Variants in KMT2D observed in about 807,000 individuals in gnomAD.
The protein encoded by KMT2D is histone-lysine N-methyltransferase 2D.
KMT2D carries 55 observed loss-of-function variants against 512.7 expected under a neutral mutation model. The ratio of observed to expected loss-of-function variants is 0.11; its 90% CI spans 0.09 to 0.13. The LOEUF (loss-of-function observed/expected upper bound fraction) is 0.13. Among genes scored for constraint, KMT2D ranks in the 10% least tolerant of loss-of-function variants. The pLI is 1.00. For synonymous variants in KMT2D, 2,995 were observed against 2,904.0 expected (o/e 1.03, Z -1.01); for missense variants, 6,061 against 7,127.9 (o/e 0.85, Z 5.39).
chr12:49,039,857 A>G lies in KMT2D; in HGVS notation c.7913T>C (p.Ile2638Thr), dbSNP rs2120518228. The change falls in exon 32 of 55, where the codon ATC (isoleucine) becomes ACC (threonine). Residue 2638 changes from isoleucine (I) to threonine (T), a missense_variant. By Grantham distance (89) the Ile-to-Thr change is moderately conservative. This residue lies in a region of KMT2D where 527 missense variants were observed against 578.9 expected (regional missense o/e 0.91). Transcript: ENST00000301067. The surrounding 1 kb of genome is among the most constrained non-coding windows in gnomAD (Gnocchi z 5.0). The stretch of plus-strand genomic sequence containing the variant: ...TTCTCGCTTTTCGACAGGAGAGGTG[A>G]TGCCTGATCGCTGTGAGGCTCCATG... ...LSHGASQRSG[I>T]TSPVEKREDP... 1 of 1,614,014 alleles carries G rather than the reference A, an allele frequency of 6.2e-7. No individual in the cohort carries two copies. Among genetic ancestry groups the G allele is most frequent in the South Asian group, 1.1e-5 (1 of 91,084 alleles).
At chr12:49,052,832 A>T in intron 9 of KMT2D, 83 bp downstream of exon 9, 1 of 1,593,412 alleles carries the variant, frequency 6.3e-7, no homozygotes, top group Non-Finnish European at 8.6e-7. Context: ...CTCCTCTCAA[A>T]GTCCACTCAA....
In KMT2D at chr12:49,029,097, G is replaced by A. The variant is rs2120391643; in HGVS notation, c.14215C>T (p.Pro4739Ser). Residue 4739 changes from proline (P) to serine (S), a missense_variant, in exon 45 of 55, where the codon CCT becomes TCT. Transcript: ENST00000301067. ...GCCCGAGGAATGAGGGGGATGACAG[G>A]GGAGAGGGCCCGGTCCTCTTGCTCC... The part of the protein sequence containing the change: ...RWEQEDRALS[P>S]VIPLIPRASI... 1 of 1,608,270 alleles carries A rather than the reference G, an allele frequency of 6.2e-7. No individual in the cohort carries two copies. Among genetic ancestry groups the A allele is most frequent in the Non-Finnish European group, 8.5e-7 (1 of 1,175,414 alleles).
Position 49,039,675 on chromosome 12 carries a change from CCA to C in KMT2D, c.8046+47_8046+48del. 1.2e-6 allele frequency: 2 copies of C among 1,603,082 alleles called. No homozygotes were observed. Among genetic ancestry groups the C allele is most frequent in the Non-Finnish European group, 1.7e-6 (2 of 1,175,428 alleles). ...ATTCTACTCCAATCATAGGGCTGCC[CCA>C]GAGACAGGAGCGATATAGGGGGCTT... On this transcript the variant is annotated intron_variant, in intron 32 of 54. Coordinates refer to ENST00000301067, the MANE Select transcript of KMT2D (RefSeq NM_003482.4). The surrounding 1 kb of genome is among the most constrained non-coding windows in gnomAD (Gnocchi z 5.0).
chr12:49,036,847 ACTT>A (rs2120471760), intron 35 of KMT2D, among the ~76,000 whole-genome samples: 1 of 152,226 alleles, frequency 6.6e-6, no homozygotes, highest in East Asian at 1.9e-4. Context: ...TAAGCTTTCA[ACTT>A]CACTACAGCT....
chr12:49,026,474 T>G lies in KMT2D; in HGVS notation c.15492A>C (p.Gln5164His). 6.2e-7 allele frequency: 1 copy of G among 1,613,936 alleles called. No homozygotes were observed. ...RVYIERDEVK[Q>H]IASIIQRGER... Reference sequence around the variant, plus strand: ...CTCCCCGCTGAATGATGCTAGCGATTTGCTTCACCTCGTCCCGCTCAATGT... The same window carrying G: ...CTCCCCGCTGAATGATGCTAGCGATGTGCTTCACCTCGTCCCGCTCAATGT... Residue 5164 changes from glutamine to histidine, a missense_variant, in exon 49 of 55, where the codon CAA becomes CAC. Physicochemically the swap from Gln to His is conservative, Grantham distance 24. Coordinates refer to ENST00000301067, the MANE Select transcript of KMT2D (RefSeq NM_003482.4). This position sits in a 1 kb window ranked among gnomAD's most constrained non-coding sequence, Gnocchi z 9.6.
chr12:49,039,563 G>A lies in KMT2D; in HGVS notation c.8101C>T (p.Arg2701Trp), dbSNP rs2120512919. 1.2e-6 allele frequency: 2 copies of A among 1,611,600 alleles called. No individual in the cohort carries two copies. Among genetic ancestry groups the A allele is most frequent in the South Asian group, 1.1e-5 (1 of 90,972 alleles). Residue 2701 changes from arginine (R) to tryptophan (W), a missense_variant, in exon 33 of 55, where the codon CGG becomes TGG. Transcript: ENST00000301067. This position sits in a 1 kb window ranked among gnomAD's most constrained non-coding sequence, Gnocchi z 5.0. ...GCTGCAGCTGTTTCCTTCTCCTGCC[G>A]CAGGGTGTTGCGCTGGATCTGCTGC... The part of the protein sequence containing the change: ...IRQQIQRNTL[R>W]QEKETAAAAA...
rs373149520 is a variant in KMT2D, at chr12:49,040,822, C to T, written c.6948G>A (p.Leu2316=). 4.2e-5 allele frequency: 67 copies of T among 1,613,608 alleles called. No homozygotes were observed. Among genetic ancestry groups the T allele is most frequent in the Non-Finnish European group, 5.5e-5 (65 of 1,179,750 alleles). Residue 2316 remains leucine (L), a synonymous_variant, in exon 32 of 55, where the codon CTG becomes CTA. Coordinates refer to ENST00000301067, the MANE Select transcript of KMT2D (RefSeq NM_003482.4). The part of the protein sequence containing the change: ...FVDSPSSGTH[L]GGLELKTPDV... ...CAGGTGTCTTTAACTCCAGGCCACC[C>T]AGGTGGGTGCCTGAGGAGGGTGAGT...
chr12:49,049,646 ACT>A (rs2120637335), intron 12 of KMT2D, 34 bp downstream of exon 12: 1 of 1,536,084 alleles, frequency 6.5e-7, no homozygotes, highest in Non-Finnish European at 8.8e-7. Context: ...CAGTGGGCTA[ACT>A]CTAATCACAT....
Position 49,050,639 on chromosome 12 carries a change from G to A in KMT2D, c.2949C>T (p.Ser983=), listed in dbSNP as rs1764021731. The A allele has an allele frequency of 1.2e-6, 2 of 1,613,232 alleles. No individual in the cohort carries two copies. Among genetic ancestry groups the A allele is most frequent in the Middle Eastern group, 1.7e-4 (1 of 6,058 alleles). ...CAGTGCAGTTAGCTTCTGGTGGAGG[G>A]CTGATGGGTGTCTCCAGGATGGGGG... ...LAAPILETPI[S]PPPEANCTDP... is the part of the protein sequence containing the mutation. Residue 983 remains serine (S), a synonymous_variant, in exon 12 of 55, where the codon AGC becomes AGT. Transcript: ENST00000301067.
Position 49,051,921 on chromosome 12 carries a change from A to G in KMT2D, c.1762T>C (p.Ser588Pro), listed in dbSNP as rs2120678896. 6.2e-7 allele frequency: 1 copy of G among 1,611,514 alleles called. No homozygotes were observed. Among genetic ancestry groups the G allele is most frequent in the Non-Finnish European group, 8.5e-7 (1 of 1,179,286 alleles). The change falls in exon 11 of 55, where the codon TCA (serine) becomes CCA (proline). Residue 588 changes from serine to proline, a missense_variant. Around this residue, in one of 16 missense-constraint regions of KMT2D, gnomAD observed 848 missense variants for 838.5 expected, o/e 1.01. Coordinates refer to ENST00000301067, the MANE Select transcript of KMT2D (RefSeq NM_003482.4). ...ESPMSPPPEE[S>P]PMSPPPEASR... Reference sequence around the variant, plus strand: ...GCCTCCGGTGGTGGAGACATGGGTGACTCTTCAGGTGGAGGGGACATGGGT... The same window carrying G: ...GCCTCCGGTGGTGGAGACATGGGTGGCTCTTCAGGTGGAGGGGACATGGGT...
In KMT2D at chr12:49,052,406, A is replaced by C. The variant is rs949079169; in HGVS notation, c.1277T>G (p.Leu426Arg). 1.3e-6 allele frequency: 2 copies of C among 1,542,580 alleles called. No individual in the cohort carries two copies. Among genetic ancestry groups the C allele is most frequent in the African/African-American group, 1.4e-5 (1 of 72,672 alleles). Residue 426 changes from leucine (L) to arginine (R), a missense_variant, in exon 11 of 55, where the codon CTT becomes CGT. Physicochemically the swap from Leu to Arg is moderately radical, Grantham distance 102. Transcript: ENST00000301067. Reference protein sequence around the residue: ...AKPLGKAGVQLEPQLEAPLNE... With the variant: ...AKPLGKAGVQREPQLEAPLNE... ...TAGGGGGGCCTCCAACTGGGGCTCA[A>C]GTTGGACCCCTGCTTTCCCTGCAGA... is the stretch of plus-strand genomic sequence containing the variant.
rs1314175779 is a variant in KMT2D, at chr12:49,030,289, C to A, written c.13990G>T (p.Ala4664Ser). The change falls in exon 43 of 55, where the codon GCA (alanine) becomes TCA (serine). Residue 4664 changes from alanine to serine, a missense_variant. Ala to Ser is a moderately conservative substitution (Grantham distance 99, BLOSUM62 1). Coordinates refer to ENST00000301067, the MANE Select transcript of KMT2D (RefSeq NM_003482.4). The part of the protein sequence containing the change: ...DAASARDSER[A>S]LRDTSEVKSL... Reference sequence around the variant, plus strand: ...TCTGCTCTTGACTTACCCCTCAGTGCCCTTTCACTATCCCGGGCAGAGGCA... The same window carrying A: ...TCTGCTCTTGACTTACCCCTCAGTGACCTTTCACTATCCCGGGCAGAGGCA... The A allele has an allele frequency of 1.2e-6, 2 of 1,600,992 alleles. No individual in the cohort carries two copies. Among genetic ancestry groups the A allele is most frequent in the East Asian group, 4.5e-5 (2 of 44,434 alleles).
rs199798179 is a variant in KMT2D at position 49,021,795 on chromosome 12, C to T, written c.16599G>A (p.Arg5533=). 793 of 1,613,856 alleles carry T rather than the reference C, an allele frequency of 4.9e-4. 3 individuals carry two copies. In the Middle Eastern group the frequency reaches 5.3e-3, roughly 11 times the overall value. The change falls in exon 55 of 55, where the codon CGG becomes CGA. Residue 5533 remains arginine, a synonymous_variant. Coordinates refer to ENST00000301067, the MANE Select transcript of KMT2D (RefSeq NM_003482.4). ...IPCHCGAWNC[R]KWMN is the part of the protein sequence containing the mutation. ...TCAAAGCTTCTTAGTTCATCCATTTCCGACAATTCCAGGCTCCACAGTGGC... is the reference window on the plus strand; with the variant it reads ...TCAAAGCTTCTTAGTTCATCCATTTTCGACAATTCCAGGCTCCACAGTGGC...
At position 49,029,668 on chromosome 12, in the gene KMT2D, GTTTTTTTTGT is replaced by G. The variant is rs1477291218; in HGVS notation, c.14000-202_14000-193del. Among the ~76,000 whole-genome samples the G allele has an allele frequency of 3.6e-4, 42 of 117,446 alleles. 1 individual carries two copies. Among genetic ancestry groups the G allele is most frequent in the Admixed American group, 3.6e-3 (37 of 10,382 alleles). 77.0% of individuals were successfully genotyped at this position (117,446 alleles called of 152,430 possible). ...TGCATGCCAGGCACTGTTGTTTTTT[GTTTTTTTTGT>G]TTTTTTTTTTTTTTTCCCGTAGAGA... On this transcript the variant is annotated intron_variant, in intron 43 of 54. Transcript: ENST00000301067.
At position 49,029,127 on chromosome 12, in the gene KMT2D, G is replaced by A. The variant is rs398123719; in HGVS notation, c.14185C>T (p.Arg4729Trp). The A allele has an allele frequency of 9.3e-6, 15 of 1,613,342 alleles. No individual in the cohort carries two copies. Among genetic ancestry groups the A allele is most frequent in the African/African-American group, 6.7e-5 (5 of 74,900 alleles). ...APRFPHLGSG[R>W]WEQEDRALSP... The stretch of plus-strand genomic sequence containing the variant: ...AGGGCCCGGTCCTCTTGCTCCCACC[G>A]GCCTGAGCCCAGATGAGGGAAACGA... The change falls in exon 45 of 55, where the codon CGG becomes TGG. Residue 4729 changes from arginine (R) to tryptophan (W), a missense_variant. Transcript: ENST00000301067.
At position 49,026,395 on chromosome 12, in the gene KMT2D, G is replaced by A. The variant is rs977565755; in HGVS notation, c.15571C>T (p.Leu5191=). The change falls in exon 49 of 55, where the codon CTG becomes TTG. Residue 5191 remains leucine, a synonymous_variant. Transcript: ENST00000301067. The surrounding 1 kb of genome is among the most constrained non-coding windows in gnomAD (Gnocchi z 9.6). Reference sequence around the variant, plus strand: ...AAGTCAGCCATCTGGTGAGGCAGCAGCTGTCCGATGGCGTGGAACACAAGG... The same window carrying A: ...AAGTCAGCCATCTGGTGAGGCAGCAACTGTCCGATGGCGTGGAACACAAGG... The part of the protein sequence containing the change: ...GGLVFHAIGQ[L]LPHQMADFHS... 1.2e-6 allele frequency: 2 copies of A among 1,613,580 alleles called. No homozygotes were observed. Among genetic ancestry groups the A allele is most frequent in the South Asian group, 2.2e-5 (2 of 91,088 alleles).
In KMT2D at chr12:49,042,737, T is replaced by C; in HGVS notation, c.5782+4A>G. 1.9e-6 allele frequency: 3 copies of C among 1,612,940 alleles called. No individual in the cohort carries two copies. The highest frequency in any genetic ancestry group is 1.7e-6 in the Non-Finnish European group (2 of 1,179,254). On this transcript the variant is annotated splice_donor_region_variant and intron_variant, in intron 27 of 54. Coordinates refer to ENST00000301067, the MANE Select transcript of KMT2D (RefSeq NM_003482.4). The surrounding 1 kb of genome is among the most constrained non-coding windows in gnomAD (Gnocchi z 4.4). ...AGTCTTCAGACCACTCCCACCTGTA[T>C]TACCTTGAAGAAAGGGCCTCTGCAG...
intron 10 of KMT2D, 34 bp from the exon 11 acceptor site, chr12:49,052,458 C>T (rs1298620131): frequency 1.3e-6 from 2 of 1,545,432 alleles, no homozygotes; most frequent in Admixed American, 1.9e-5. Context: ...TCCTATCTAG[C>T]TCAGATCTAC....
Position 49,050,427 on chromosome 12 carries a change from G to A in KMT2D, c.3161C>T (p.Pro1054Leu), listed in dbSNP as rs758697574. The A allele has an allele frequency of 3.6e-5, 58 of 1,613,854 alleles. No homozygotes were observed. The highest frequency in any genetic ancestry group is 4.5e-5 in the Non-Finnish European group (53 of 1,179,866). ...PPALPLSVPS[P>L]LSPIGKVVGV... ...CACTACCTTCCCTATGGGACTCAACGGGGAGGGAACGGACAGTGGTAGGGC... is the reference window on the plus strand; with the variant it reads ...CACTACCTTCCCTATGGGACTCAACAGGGAGGGAACGGACAGTGGTAGGGC... The change falls in exon 12 of 55, where the codon CCG (proline) becomes CTG (leucine). Residue 1054 changes from proline to leucine, a missense_variant. Transcript: ENST00000301067.
Sources: allele counts gnomAD v4.1 joint callset (sites outside exome capture counted in the v4.1 genomes callset), GRCh38; gene constraint gnomAD v4.1.1; regional missense constraint gnomAD v4.1.1; non-coding constraint Gnocchi (gnomAD v3.1); transcripts MANE v1.5; gene names NCBI Gene and HGNC (gene_info 2026-07-23, HGNC 2026-07-21).